PPP1R1C: variants seen among roughly 807,000 people sequenced by gnomAD.
PPP1R1C encodes protein phosphatase 1 regulatory inhibitor subunit 1C.
A neutral mutation model predicts 17.4 loss-of-function variants in PPP1R1C; 15 were observed. The observed-to-expected ratio is 0.86, with a 90% CI of 0.58 to 1.33. The LOEUF is 1.33. Among genes scored for constraint, PPP1R1C ranks in the 40% most tolerant of loss-of-function variants. The pLI, the probability that PPP1R1C is intolerant of heterozygous loss-of-function variation, is 0.00. For synonymous variants in PPP1R1C, 35 were observed against 43.1 expected (o/e 0.81, Z 0.73); for missense variants, 143 against 130.0 (o/e 1.10, Z -0.48).
At chr2:182,004,670 A>G (rs1685864289) in intron 2 of PPP1R1C, among the ~76,000 whole-genome samples, 1 of 152,202 alleles carries the variant, frequency 6.6e-6, no homozygotes, top group Non-Finnish European at 1.5e-5. Context: ...GGCATTGTAA[A>G]CATCTCAAAA....
rs991615368 is a variant in PPP1R1C at position 181,976,260 on chromosome 2, A to G, written n.157+996A>G. On this transcript the variant is annotated intron_variant and non_coding_transcript_variant, in intron 2 of 5. Transcript: ENST00000464264. This position sits in a 1 kb window ranked among gnomAD's most constrained non-coding sequence, Gnocchi z 4.8. ...AATGCATGAGTACATGCATGTGTAT[A>G]TATGGATACAAATCTATAATGAAAT... is the stretch of plus-strand genomic sequence containing the variant. Among the ~76,000 whole-genome samples, 4 of 152,126 alleles carry G rather than the reference A, an allele frequency of 2.6e-5. No individual in the cohort carries two copies. Among genetic ancestry groups the G allele is most frequent in the Non-Finnish European group, 5.9e-5 (4 of 67,996 alleles).
intron 2 of PPP1R1C, among the ~76,000 whole-genome samples, chr2:182,037,865 T>G (rs148322251): frequency 8.0e-4 from 122 of 152,252 alleles, no homozygotes; most frequent in African/African-American, 2.9e-3. Context: ...CAACTTTATT[T>G]CTACACTTTT....
Position 182,097,774 on chromosome 2 carries a change from A to C in PPP1R1C, c.242-19433A>C, listed in dbSNP as rs77979874. Among the ~76,000 whole-genome samples the C allele has an allele frequency of 1.8e-4, 27 of 152,232 alleles. 1 individual carries two copies. In the East Asian group the frequency reaches 5.0e-3, roughly 28 times the overall value. ...CATAAAACCTAGATTATGATTCTCC[A>C]CTTCTTCTCTTCCTGCTCTCTCAGT... On this transcript the variant is annotated intron_variant, in intron 4 of 4. Transcript: ENST00000682840.
intron 2 of PPP1R1C, among the ~76,000 whole-genome samples, chr2:182,038,214 G>T (rs1276728372): frequency 1.3e-5 from 2 of 151,792 alleles, no homozygotes; most frequent in African/African-American, 4.8e-5. Flanking sequence ...ATGTTTTGTG[G>T]TTTTTGTAGA....
At chr2:182,112,854 G>T (rs1689481543) in intron 4 of PPP1R1C, among the ~76,000 whole-genome samples, 1 of 151,858 alleles carries the variant, frequency 6.6e-6, no homozygotes, top group Non-Finnish European at 1.5e-5. Context: ...ATTTACAATG[G>T]TCTAAAATAT....
At chr2:182,077,782 A>G (rs1688357256) in intron 4 of PPP1R1C, among the ~76,000 whole-genome samples, 1 of 152,208 alleles carries the variant, frequency 6.6e-6, no homozygotes, top group Non-Finnish European at 1.5e-5. Flanking sequence ...CTTCACACTC[A>G]GTGCTTATTA....
intron 2 of PPP1R1C, among the ~76,000 whole-genome samples, chr2:182,005,342 A>G (rs1685887726): frequency 6.6e-6 from 1 of 152,190 alleles, no homozygotes; most frequent in African/African-American, 2.4e-5. Context: ...AGCATGGGAT[A>G]TTATCTCCGC....
chr2:182,061,182 C>G (rs1057189566), intron 2 of PPP1R1C, among the ~76,000 whole-genome samples: 1 of 151,986 alleles, frequency 6.6e-6, no homozygotes, highest in Non-Finnish European at 1.5e-5. Context: ...TCCCTGGTCC[C>G]CTTTCTGGAC....
chr2:182,106,114 A>T (rs973522361), intron 4 of PPP1R1C, among the ~76,000 whole-genome samples: 1 of 151,936 alleles, frequency 6.6e-6, no homozygotes, highest in African/African-American at 2.4e-5. Context: ...CTGTGTTCAA[A>T]TTTCTCCCTT....
intron 4 of PPP1R1C, among the ~76,000 whole-genome samples, chr2:182,089,689 A>T (rs1277138897): frequency 1.3e-5 from 2 of 152,184 alleles, no homozygotes; most frequent in Non-Finnish European, 2.9e-5. Flanking sequence ...TCAAAGAGTA[A>T]CATGGTAGAT....
At chr2:182,113,634 C>G (rs1689501631) in intron 4 of PPP1R1C, among the ~76,000 whole-genome samples, 1 of 152,086 alleles carries the variant, frequency 6.6e-6, no homozygotes, top group South Asian at 2.1e-4. Context: ...CCTAAAATCC[C>G]TAACTATAAT....
At chr2:181,988,547 G>T (rs187919059) in intron 2 of PPP1R1C, among the ~76,000 whole-genome samples, 2 of 152,228 alleles carry the variant, frequency 1.3e-5, no homozygotes, top group African/African-American at 2.4e-5. Context: ...TTGAAGCGGG[G>T]TGATTTTTAG....
chr2:182,050,700 C>A (rs931380145), intron 2 of PPP1R1C, among the ~76,000 whole-genome samples: 14 of 152,294 alleles, frequency 9.2e-5, no homozygotes, highest in Non-Finnish European at 1.8e-4. Context: ...TTACCTCAGT[C>A]ATATCTGTTC....
intron 2 of PPP1R1C, among the ~76,000 whole-genome samples, chr2:182,060,242 G>C (rs1687811002): frequency 6.6e-6 from 1 of 152,004 alleles, no homozygotes; most frequent in Non-Finnish European, 1.5e-5. Context: ...AATAAACAAT[G>C]GTTCCATATA....
chr2:182,087,899 A>G (rs1688675294), intron 4 of PPP1R1C, among the ~76,000 whole-genome samples: 1 of 152,228 alleles, frequency 6.6e-6, no homozygotes, highest in African/African-American at 2.4e-5. Context: ...ATAATAGTTA[A>G]TGAGCTCTCA....
In PPP1R1C at chr2:181,967,903, G is replaced by A. The variant is rs1004581517; in HGVS notation, n.112-7316G>A. Reference sequence around the variant, plus strand: ...GCTAATTTTGTGTTTTTAGTAGAGAGGGGATTTCTTCATGTTGGTCAAGCT... The same window carrying A: ...GCTAATTTTGTGTTTTTAGTAGAGAAGGGATTTCTTCATGTTGGTCAAGCT... On this transcript the variant is annotated intron_variant and non_coding_transcript_variant, in intron 1 of 5. Transcript: ENST00000464264. This position sits in a 1 kb window ranked among gnomAD's most constrained non-coding sequence, Gnocchi z 5.5. 5.9e-5 allele frequency among the ~76,000 whole-genome samples: 9 copies of A among 152,014 alleles called. No homozygotes were observed. Among genetic ancestry groups the A allele is most frequent in the African/African-American group, 7.2e-5 (3 of 41,404 alleles).
Position 181,977,377 on chromosome 2 carries a change from T to C in PPP1R1C, n.157+2113T>C, listed in dbSNP as rs191173231. On this transcript the variant is annotated intron_variant and non_coding_transcript_variant, in intron 2 of 5. Transcript: ENST00000464264. ...TGGTCTTCTTACTCCTCTGATTGTA[T>C]TTTTGTGTGTGTGTGTTTGTTTCCA... Among the ~76,000 whole-genome samples, 2 of 152,154 alleles carry C rather than the reference T, an allele frequency of 1.3e-5. 1 individual carries two copies. The highest frequency in any genetic ancestry group is 3.9e-4 in the East Asian group (2 of 5,166).
upstream of PPP1R1C, among the ~76,000 whole-genome samples, chr2:181,983,704 GAATA>G (rs1296131976): frequency 2.0e-5 from 3 of 152,136 alleles, no homozygotes; most frequent in Non-Finnish European, 2.9e-5. Context: ...TTTGCTATGT[GAATA>G]AATAAAGTTG....
upstream of PPP1R1C, among the ~76,000 whole-genome samples, chr2:181,980,951 C>T (rs1473573567): frequency 5.2e-5 from 7 of 133,694 alleles, no homozygotes; most frequent in South Asian, 2.7e-4. Flanking sequence ...TTTTTTGAGA[C>T]GGAGTCTCGC....
Sources: allele counts gnomAD v4.1 joint callset (sites outside exome capture counted in the v4.1 genomes callset), GRCh38; gene constraint gnomAD v4.1.1; non-coding constraint Gnocchi (gnomAD v3.1); transcripts MANE v1.5; gene names NCBI Gene and HGNC (gene_info 2026-07-23, HGNC 2026-07-21).